ADCY3: variants seen among roughly 807,000 people sequenced by gnomAD.
The protein encoded by ADCY3 is adenylate cyclase 3.
Under a neutral mutation model 119.4 loss-of-function variants are expected in ADCY3, and 70 were observed. The observed-to-expected ratio is 0.59, with a 90% CI of 0.48 to 0.72. ADCY3 has a LOEUF of 0.72. ADCY3 is among the 30% of genes least tolerant of loss of function. The pLI is 0.00. For missense variants in ADCY3, 1,238 were observed against 1,541.6 expected, an observed-to-expected ratio of 0.80 and a Z score of 3.30; for synonymous variants, 672 against 621.4, an observed-to-expected ratio of 1.08 and a Z score of -1.21.
chr2:24,858,457 C>G (rs918303868), intron 3 of ADCY3, among the ~76,000 whole-genome samples: 5 of 152,172 alleles, frequency 3.3e-5, no homozygotes, highest in African/African-American at 1.2e-4. Flanking sequence ...TGTTAATTAA[C>G]AGATCTCCCA....
chr2:24,882,364 A>G (rs1676502070), intron 2 of ADCY3, among the ~76,000 whole-genome samples: 1 of 152,238 alleles, frequency 6.6e-6, no homozygotes, highest in Non-Finnish European at 1.5e-5. Context: ...AAAGTAGGGC[A>G]GAAATCACAC....
chr2:24,912,005 T>C (rs1339811535), intron 2 of ADCY3, among the ~76,000 whole-genome samples: 1 of 152,202 alleles, frequency 6.6e-6, no homozygotes, highest in Non-Finnish European at 1.5e-5. Flanking sequence ...GGAAATAATA[T>C]TTGCCTCTTG....
intron 15 of ADCY3, chr2:24,826,341 C>T: frequency 1.8e-6 from 1 of 545,004 alleles, no homozygotes; most frequent in Non-Finnish European, 3.3e-6. Flanking sequence ...CCCCTGGCCC[C>T]TCCTGGCTGC....
chr2:24,831,949 ACAGGGG>A (rs1259183824), intron 11 of ADCY3, among the ~76,000 whole-genome samples, 200 bp from the exon 12 acceptor site: 1 of 111,676 alleles, frequency 9.0e-6, no homozygotes, highest in African/African-American at 3.6e-5. Flanking sequence ...GGGACAGCAG[ACAGGGG>A]CAGGGGCCAG....
chr2:24,863,471 T>A (rs754183570), intron 3 of ADCY3, among the ~76,000 whole-genome samples: 2 of 152,214 alleles, frequency 1.3e-5, no homozygotes, highest in African/African-American at 2.4e-5. Context: ...TGTGATCATG[T>A]GAGTCAAAAC....
chr2:24,894,444 G>A lies in ADCY3; in HGVS notation c.676-21725C>T, dbSNP rs369495350. Among the ~76,000 whole-genome samples the A allele has an allele frequency of 1.9e-4, 29 of 152,130 alleles. No homozygotes were observed. The South Asian group carries it at 5.8e-3, about 30-fold the overall frequency. On this transcript the variant is annotated intron_variant, in intron 2 of 21. Transcript: ENST00000679454. ...GAGCTATAATTGTGCCACTGCTGTC[G>A]AGCCTGGGCAACAGAGTGAGACACT...
intron 3 of ADCY3, among the ~76,000 whole-genome samples, chr2:24,848,963 C>A (rs909091057): frequency 5.9e-5 from 9 of 152,214 alleles, no homozygotes; most frequent in South Asian, 2.1e-4. Flanking sequence ...CTCAGCCCCC[C>A]CCGCCACGTG....
At chr2:24,873,300 G>C (rs1436691309) in intron 2 of ADCY3, among the ~76,000 whole-genome samples, 1 of 152,200 alleles carries the variant, frequency 6.6e-6, no homozygotes, top group African/African-American at 2.4e-5. Context: ...TAGGTTTCTA[G>C]TTTTCTGGGA....
Position 24,842,217 on chromosome 2 carries a change from G to A in ADCY3, c.956+37C>T, listed in dbSNP as rs201084529. 3.1e-6 allele frequency: 5 copies of A among 1,612,540 alleles called. No individual in the cohort carries two copies. In the African/African-American group the frequency reaches 4.0e-5, roughly 13 times the overall value. On this transcript the variant is annotated intron_variant, in intron 4 of 21. Transcript: ENST00000679454. The surrounding 1 kb of genome is among the most constrained non-coding windows in gnomAD (Gnocchi z 4.9). ...ACAAAGATGCAGCCCTCCACAGCCT[G>A]CTCTGCCATCAGAGCCCGCGCCCCG...
rs576341499 is a variant in ADCY3, at chr2:24,887,197, G to C, written c.676-14478C>G. Reference sequence around the variant, plus strand: ...CAGGAAGACGTGCCGAGCGAAAGGGGAAGAGCCCTTTATAATACCATCGGA... The same window carrying C: ...CAGGAAGACGTGCCGAGCGAAAGGGCAAGAGCCCTTTATAATACCATCGGA... On this transcript the variant is annotated intron_variant, in intron 2 of 21. Coordinates refer to ENST00000679454, the MANE Select transcript of ADCY3 (RefSeq NM_004036.5). Among the ~76,000 whole-genome samples the C allele has an allele frequency of 1.4e-4, 21 of 152,282 alleles. No homozygotes were observed. The South Asian group carries it at 3.1e-3, about 23-fold the overall frequency.
chr2:24,838,939 GA>G, intron 7 of ADCY3: 2 of 1,395,262 alleles, frequency 1.4e-6, no homozygotes, highest in Non-Finnish European at 1.9e-6. Flanking sequence ...ATGCGATAAG[GA>G]ATTTTTTTTT....
intron 3 of ADCY3, among the ~76,000 whole-genome samples, chr2:24,854,647 T>A (rs1672789401): frequency 6.6e-6 from 1 of 152,096 alleles, no homozygotes; most frequent in Admixed American, 6.5e-5. Context: ...AGTCTGTACC[T>A]GAGACTCCCA....
rs192975327 is a variant in ADCY3 at position 24,881,528 on chromosome 2, C to T, written c.676-8809G>A. ...CCCCTACAGCATGAGGCACAGCCTT[C>T]CCTCAGTGCAGCTCCTGATGCGTCT... On this transcript the variant is annotated intron_variant, in intron 2 of 21. Coordinates refer to ENST00000679454, the MANE Select transcript of ADCY3 (RefSeq NM_004036.5). Among the ~76,000 whole-genome samples the T allele has an allele frequency of 3.3e-5, 5 of 152,330 alleles. No individual in the cohort carries two copies. The East Asian group carries it at 7.7e-4, about 24-fold the overall frequency.
chr2:24,866,245 A>G (rs1674280157), intron 3 of ADCY3, among the ~76,000 whole-genome samples: 1 of 152,144 alleles, frequency 6.6e-6, no homozygotes, highest in Admixed American at 6.5e-5. Context: ...CAAGAAAAGT[A>G]AATCTTCCCT....
intron 2 of ADCY3, among the ~76,000 whole-genome samples, chr2:24,897,339 T>C (rs1047415263): frequency 6.6e-6 from 1 of 151,912 alleles, no homozygotes; most frequent in African/African-American, 2.4e-5. Context: ...TTATAGAATG[T>C]ACCCCCACCT....
chr2:24,882,037 T>C (rs754812544), intron 2 of ADCY3, among the ~76,000 whole-genome samples: 1 of 152,268 alleles, frequency 6.6e-6, no homozygotes, highest in Non-Finnish European at 1.5e-5. Flanking sequence ...GAACTTTTTC[T>C]TGACCTTTTC....
chr2:24,874,895 A>C (rs951080969), intron 2 of ADCY3, among the ~76,000 whole-genome samples: 1 of 152,242 alleles, frequency 6.6e-6, no homozygotes, highest in Admixed American at 6.5e-5. Flanking sequence ...ACTGTCCTAC[A>C]TAGGAGGTCA....
In ADCY3 at chr2:24,828,091, A is replaced by G; in HGVS notation, c.2243T>C (p.Leu748Pro). The change falls in exon 14 of 22, where the codon CTG (leucine) becomes CCG (proline). Residue 748 changes from leucine to proline, a missense_variant. Leu to Pro is a moderately conservative substitution (Grantham distance 98, BLOSUM62 -3). Coordinates refer to ENST00000679454, the MANE Select transcript of ADCY3 (RefSeq NM_004036.5). ...TAGMETEGSC[L>P]ENPKYYNYVA... ...ATAGTTGTAATACTTGGGGTTCTCC[A>G]GGCAGCTGCCCTCCGTTTCCATCCC... 2.5e-6 allele frequency: 4 copies of G among 1,614,168 alleles called. No individual in the cohort carries two copies. Among genetic ancestry groups the G allele is most frequent in the Middle Eastern group, 1.7e-4 (1 of 6,034 alleles).
At position 24,841,586 on chromosome 2, in the gene ADCY3, C is replaced by G; in HGVS notation, c.1038G>C (p.Glu346Asp). 6.2e-7 allele frequency: 1 copy of G among 1,613,470 alleles called. No individual in the cohort carries two copies. Among genetic ancestry groups the G allele is most frequent in the Non-Finnish European group, 8.5e-7 (1 of 1,179,972 alleles). Residue 346 changes from glutamate to aspartate, a missense_variant, in exon 5 of 22, where the codon GAG becomes GAC. Glu to Asp is a conservative substitution (Grantham distance 45, BLOSUM62 2). This residue lies in a region of ADCY3 where 283 missense variants were observed against 437.2 expected (regional missense o/e 0.65). Coordinates refer to ENST00000679454, the MANE Select transcript of ADCY3 (RefSeq NM_004036.5). The surrounding 1 kb of genome is among the most constrained non-coding windows in gnomAD (Gnocchi z 5.8). Reference sequence around the variant, plus strand: ...CCAGCTTGTCAAAGCGGGCAAAGAGCTCGTTGAGCAGCTTCACAAGCTCCT... The same window carrying G: ...CCAGCTTGTCAAAGCGGGCAAAGAGGTCGTTGAGCAGCTTCACAAGCTCCT... ...SAQELVKLLN[E>D]LFARFDKLAA... is the part of the protein sequence containing the mutation.
Sources: gnomAD v4.1 joint callset for allele counts (sites outside exome capture counted in the v4.1 genomes callset) on GRCh38, gnomAD v4.1.1 for gene constraint, gnomAD v4.1.1 regional missense constraint, Gnocchi (gnomAD v3.1) non-coding constraint, MANE v1.5 for transcripts, NCBI Gene and HGNC (gene_info 2026-07-23, HGNC 2026-07-21) for gene names.